Variants in CNIH3 observed in about 807,000 individuals in gnomAD.
CNIH3 encodes the protein cornichon family AMPA receptor auxiliary protein 3.
A neutral mutation model predicts 24.1 loss-of-function variants in CNIH3; 14 were observed. The ratio of observed to expected loss-of-function variants is 0.58; its 90% CI spans 0.38 to 0.91. CNIH3 has a LOEUF of 0.91. Ranked by LOEUF, CNIH3 falls within the 40% of genes least tolerant of loss-of-function variation. The pLI, the probability that CNIH3 is intolerant of heterozygous loss-of-function variation, is 0.00. For synonymous variants in CNIH3, 68 were observed against 73.8 expected, an observed-to-expected ratio of 0.92 and a Z score of 0.40; for missense variants, 178 against 196.8, an observed-to-expected ratio of 0.90 and a Z score of 0.57.
At chr1:224,536,378 G>A (rs1303419560) in intron 2 of CNIH3, among the ~76,000 whole-genome samples, 1 of 138,916 alleles carries the variant, frequency 7.2e-6, no homozygotes, top group African/African-American at 2.8e-5. Context: ...CGTAACCTCT[G>A]CCTCCTGCGT....
At chr1:224,558,500 G>A (rs1256396005) in intron 3 of CNIH3, among the ~76,000 whole-genome samples, 1 of 152,120 alleles carries the variant, frequency 6.6e-6, no homozygotes, top group Admixed American at 6.5e-5. Flanking sequence ...TGCATTTTCT[G>A]TAGAGAATTG....
chr1:224,547,452 G>A (rs112111553), intron 3 of CNIH3, among the ~76,000 whole-genome samples: 79 of 151,452 alleles, frequency 5.2e-4, no homozygotes, highest in South Asian at 8.4e-4. Flanking sequence ...CACTGTGATC[G>A]TATTCATAAT....
chr1:224,739,203 T>C, intron 5 of CNIH3, 126 bp from the exon 6 acceptor site: 2 of 1,476,726 alleles, frequency 1.4e-6, no homozygotes, highest in Non-Finnish European at 1.8e-6. Context: ...GTGACAGGAA[T>C]GAGGGAGAAG....
chr1:224,541,624 G>T (rs1572442775), downstream of CNIH3, among the ~76,000 whole-genome samples: 2 of 152,302 alleles, frequency 1.3e-5, no homozygotes, highest in East Asian at 3.9e-4. Flanking sequence ...AGAGTTCTTT[G>T]CAGTCCCAAG....
chr1:224,731,977 T>G (rs1454909357), intron 4 of CNIH3, among the ~76,000 whole-genome samples: 2 of 152,138 alleles, frequency 1.3e-5, no homozygotes, highest in African/African-American at 4.8e-5. Flanking sequence ...ATGGGGAAGG[T>G]GGAATTAATT....
chr1:224,474,631 G>A (rs1204431994), intron 1 of CNIH3, among the ~76,000 whole-genome samples: 1 of 151,874 alleles, frequency 6.6e-6, no homozygotes, highest in Non-Finnish European at 1.5e-5. Context: ...TTGAAATGAA[G>A]AAAACAATAC....
intron 3 of CNIH3, among the ~76,000 whole-genome samples, chr1:224,593,725 A>G (rs1681861317): frequency 6.6e-6 from 1 of 152,270 alleles, no homozygotes; most frequent in Non-Finnish European, 1.5e-5. Context: ...ATGTCATTAC[A>G]GGACGTGAGC....
intron 4 of CNIH3, among the ~76,000 whole-genome samples, chr1:224,575,753 A>G (rs1572508474): frequency 6.9e-6 from 1 of 145,272 alleles, no homozygotes; most frequent in Non-Finnish European, 1.5e-5. Context: ...CTTTTTGTGG[A>G]AAAAAAAAAA....
intron 1 of CNIH3, among the ~76,000 whole-genome samples, chr1:224,627,696 ACT>A (rs1683606553): frequency 6.6e-6 from 1 of 151,992 alleles, no homozygotes; most frequent in South Asian, 2.1e-4. Context: ...CTGCTCTGTG[ACT>A]CTGGAAGGGG....
chr1:224,630,232 C>A (rs1683750768), intron 1 of CNIH3, among the ~76,000 whole-genome samples: 1 of 152,142 alleles, frequency 6.6e-6, no homozygotes, highest in South Asian at 2.1e-4. Context: ...GCTCTCAGAT[C>A]AGTGCAAAGG....
intron 1 of CNIH3, among the ~76,000 whole-genome samples, chr1:224,509,018 C>T (rs765783642): frequency 1.3e-5 from 2 of 152,094 alleles, no homozygotes; most frequent in African/African-American, 2.4e-5. Context: ...CCTGGGCAAA[C>T]CTCATGGTAA....
chr1:224,694,325 C>T (rs987132168), intron 3 of CNIH3, among the ~76,000 whole-genome samples: 1 of 152,182 alleles, frequency 6.6e-6, no homozygotes, highest in African/African-American at 2.4e-5. Context: ...GTAAAGAAGT[C>T]CAGCAGCCCT....
upstream of CNIH3, among the ~76,000 whole-genome samples, chr1:224,512,853 A>C (rs1333158892): frequency 6.6e-6 from 1 of 152,104 alleles, no homozygotes; most frequent in Non-Finnish European, 1.5e-5. Flanking sequence ...CTAAGCTAAA[A>C]ATGATGTGAG....
At chr1:224,562,994 G>A (rs1425111122) in intron 3 of CNIH3, among the ~76,000 whole-genome samples, 2 of 152,194 alleles carry the variant, frequency 1.3e-5, no homozygotes, top group Non-Finnish European at 2.9e-5. Context: ...GAAACTGTTT[G>A]CAAAATCTGC....
chr1:224,714,993 A>G (rs1036358675), intron 3 of CNIH3, among the ~76,000 whole-genome samples: 3 of 152,220 alleles, frequency 2.0e-5, no homozygotes, highest in Non-Finnish European at 4.4e-5. Context: ...CTCTCTCCAC[A>G]TAAAATTGTG....
chr1:224,726,617 G>C (rs945202927), intron 3 of CNIH3, among the ~76,000 whole-genome samples: 11 of 152,126 alleles, frequency 7.2e-5, no homozygotes, highest in African/African-American at 2.7e-4. Context: ...TCCACTTCTA[G>C]GATGCCGACC....
downstream of CNIH3, among the ~76,000 whole-genome samples, chr1:224,538,847 T>C (rs1679399623): frequency 7.8e-6 from 1 of 129,024 alleles, no homozygotes; most frequent in Non-Finnish European, 1.7e-5. Context: ...TTTTTTTTTT[T>C]TTTTGTAGAG....
Position 224,734,782 on chromosome 1 carries a change from C to G in CNIH3, c.455+76C>G. The G allele has an allele frequency of 2.6e-6, 4 of 1,526,460 alleles. No homozygotes were observed. The South Asian group carries it at 4.6e-5, about 18-fold the overall frequency. 94.6% of individuals were successfully genotyped at this position (1,526,460 alleles called of 1,614,324 possible). A position where few individuals can be genotyped will look rare whatever the true frequency, so the allele number is the denominator to read the frequency against. ...GAATTTCAGGCTGGCCTCTGGGAGGCGTCCTTTGGGAGATGGCGTGCGAGG... is the reference window on the plus strand; with the variant it reads ...GAATTTCAGGCTGGCCTCTGGGAGGGGTCCTTTGGGAGATGGCGTGCGAGG... On this transcript the variant is annotated intron_variant, in intron 5 of 5. Coordinates refer to ENST00000272133, the MANE Select transcript of CNIH3 (RefSeq NM_152495.2).
rs76822834 is a variant in CNIH3, at chr1:224,531,641, G to T, written n.344-5295G>T. On this transcript the variant is annotated intron_variant and non_coding_transcript_variant, in intron 2 of 2. Transcript: ENST00000470602. Reference sequence around the variant, plus strand: ...TTTTAGTCTTTATCCTAAGAGTAACGGGAAGCAATAGAAGGATTTTTAGCA... The same window carrying T: ...TTTTAGTCTTTATCCTAAGAGTAACTGGAAGCAATAGAAGGATTTTTAGCA... Among the ~76,000 whole-genome samples the T allele has an allele frequency of 9.8e-4, 150 of 152,308 alleles. 1 individual carries two copies. In the East Asian group the frequency reaches 0.025, roughly 26 times the overall value.
Sources: allele counts gnomAD v4.1 joint callset (sites outside exome capture counted in the v4.1 genomes callset), GRCh38; gene constraint gnomAD v4.1.1; transcripts MANE v1.5; gene names NCBI Gene and HGNC (gene_info 2026-07-23, HGNC 2026-07-21).